RNF43: variants seen among roughly 807,000 people sequenced by gnomAD.
RNF43 encodes ring finger protein 43, also known as E3 ubiquitin-protein ligase RNF43.
RNF43 carries 37 observed loss-of-function variants against 78.4 expected under a neutral mutation model. The ratio of observed to expected loss-of-function variants is 0.47; its 90% CI spans 0.36 to 0.62. The LOEUF (loss-of-function observed/expected upper bound fraction) is 0.62, where lower values mean the gene tolerates loss of function less well. RNF43 is among the 20% of genes least tolerant of loss of function. The pLI, the probability that RNF43 is intolerant of heterozygous loss-of-function variation, is 0.00. For missense variants in RNF43, 774 were observed against 1,007.9 expected, an observed-to-expected ratio of 0.77 and a Z score of 3.14; for synonymous variants, 347 against 395.0, an observed-to-expected ratio of 0.88 and a Z score of 1.44.
chr17:58,405,700 CAGAAAGAAAGAAAGAAAGAAAGAAAGAA>C (rs199880674), intron 2 of RNF43, among the ~76,000 whole-genome samples: 14 of 110,262 alleles, frequency 1.3e-4, no homozygotes, highest in African/African-American at 3.1e-4. Flanking sequence ...TCTCTAATGA[CAGAAAGAAAGAAAGAAAGAAAGAAAGAA>C]AGAAAGAAAG....
chr17:58,388,821 C>T (rs1016979910), intron 2 of RNF43, among the ~76,000 whole-genome samples: 1 of 152,170 alleles, frequency 6.6e-6, no homozygotes, highest in African/African-American at 2.4e-5. Flanking sequence ...TCTGAGCTTA[C>T]TTGAGAAGAA....
chr17:58,393,659 G>A (rs1973607257), intron 2 of RNF43, among the ~76,000 whole-genome samples: 1 of 152,082 alleles, frequency 6.6e-6, no homozygotes, highest in Non-Finnish European at 1.5e-5. Context: ...TTACAATGTA[G>A]GTCAAGAAAT....
Position 58,370,903 on chromosome 17 carries a change from G to A in RNF43, c.375+8C>T, listed in dbSNP as rs2143513446. ...TCCGGGTGTGTGTAGGGCGAAGTGTGAGTCTACCTTGCTAGCCAGTGACAG... is the reference window on the plus strand; with the variant it reads ...TCCGGGTGTGTGTAGGGCGAAGTGTAAGTCTACCTTGCTAGCCAGTGACAG... On this transcript the variant is annotated splice_region_variant and intron_variant, in intron 3 of 9. Coordinates refer to ENST00000407977, the MANE Select transcript of RNF43 (RefSeq NM_017763.6). The A allele has an allele frequency of 6.3e-7, 1 of 1,589,254 alleles. No individual in the cohort carries two copies. Among genetic ancestry groups the A allele is most frequent in the Non-Finnish European group, 8.6e-7 (1 of 1,166,674 alleles).
intron 2 of RNF43, among the ~76,000 whole-genome samples, chr17:58,391,038 G>C (rs1314289534): frequency 6.6e-6 from 1 of 152,202 alleles, no homozygotes; most frequent in African/African-American, 2.4e-5. Context: ...CTTGAGGGCA[G>C]GAATGTTTGT....
chr17:58,382,429 C>T (rs1973339769), intron 2 of RNF43, among the ~76,000 whole-genome samples: 1 of 152,176 alleles, frequency 6.6e-6, no homozygotes, highest in African/African-American at 2.4e-5. Context: ...TTTCTGCTTT[C>T]TCTTCAGAAA....
At chr17:58,363,661 G>C (rs1972890616) in intron 3 of RNF43, 61 bp from the exon 4 acceptor site, 2 of 1,442,204 alleles carry the variant, frequency 1.4e-6, no homozygotes, top group Admixed American at 3.8e-5. Flanking sequence ...CCACCCACAG[G>C]CTAGCCTCAC....
intron 2 of RNF43, among the ~76,000 whole-genome samples, chr17:58,413,260 T>C (rs1974060027): frequency 6.6e-6 from 1 of 152,126 alleles, no homozygotes; most frequent in Non-Finnish European, 1.5e-5. Context: ...AAGAAAACCA[T>C]ATATATAATT....
intron 2 of RNF43, among the ~76,000 whole-genome samples, chr17:58,409,971 T>A (rs529317573): frequency 6.6e-6 from 1 of 152,036 alleles, no homozygotes; most frequent in African/African-American, 2.4e-5. Context: ...CATACACACT[T>A]TACTATAATA....
At chr17:58,414,785 A>G (rs933868379) in intron 2 of RNF43, among the ~76,000 whole-genome samples, 2 of 152,208 alleles carry the variant, frequency 1.3e-5, no homozygotes, top group Non-Finnish European at 2.9e-5. Context: ...TTTGTAATCC[A>G]GTCCTCTCCA....
intron 6 of RNF43, among the ~76,000 whole-genome samples, chr17:58,361,182 T>A (rs902594786): frequency 2.0e-5 from 3 of 152,218 alleles, no homozygotes; most frequent in Non-Finnish European, 4.4e-5. Flanking sequence ...GAGAGAAACT[T>A]TTTATCCAAC....
chr17:58,416,474 T>C (rs192874650), intron 1 of RNF43: 5 of 152,382 alleles, frequency 3.3e-5, no homozygotes, highest in Admixed American at 2.6e-4. Context: ...ATCTCCATTT[T>C]CTTTTCTCTC....
chr17:58,412,827 T>G (rs928616212), intron 2 of RNF43, among the ~76,000 whole-genome samples: 2 of 152,144 alleles, frequency 1.3e-5, no homozygotes, highest in Admixed American at 6.5e-5. Flanking sequence ...ACATGGTTTT[T>G]TTTTTTTTAA....
chr17:58,380,071 A>G (rs1429273184), intron 2 of RNF43, among the ~76,000 whole-genome samples: 2 of 152,222 alleles, frequency 1.3e-5, no homozygotes, highest in Non-Finnish European at 2.9e-5. Context: ...AAGATAACCC[A>G]GTCATGTGTT....
In RNF43 at chr17:58,354,847, C is replaced by T. The variant is rs1972651483; in HGVS notation, c.*96G>A. ...AGTACGGCAAAAAGAATGGTGTTTGCTGTGGTCCTTTCCTTTCCCAGGAGC... is the reference window on the plus strand; with the variant it reads ...AGTACGGCAAAAAGAATGGTGTTTGTTGTGGTCCTTTCCTTTCCCAGGAGC... On this transcript the variant is annotated 3_prime_UTR_variant, in exon 10 of 10. Transcript: ENST00000407977. 9.1e-7 allele frequency: 1 copy of T among 1,093,054 alleles called. No homozygotes were observed. The highest frequency in any genetic ancestry group is 1.5e-5 in the African/African-American group (1 of 65,026). The allele number at this position is 1,093,054 out of a possible 1,614,324, so 67.7% of individuals were successfully genotyped here.
intron 2 of RNF43, among the ~76,000 whole-genome samples, chr17:58,397,073 G>A (rs925032043): frequency 6.6e-6 from 1 of 151,188 alleles, no homozygotes; most frequent in Non-Finnish European, 1.5e-5. Flanking sequence ...GTGTGTGTAG[G>A]AATACAGAAA....
At chr17:58,367,985 C>G (rs1598138115) in intron 3 of RNF43, among the ~76,000 whole-genome samples, 1 of 152,154 alleles carries the variant, frequency 6.6e-6, no homozygotes, top group South Asian at 2.1e-4. Flanking sequence ...CATTATTATT[C>G]CCCTTTTACA....
rs142097313 is a variant in RNF43 at position 58,357,806 on chromosome 17, C to A, written c.1970G>T (p.Arg657Leu). ...LSARHPQRKRRGGPSEPTPGS... is the reference protein window; with the variant it reads ...LSARHPQRKRLGGPSEPTPGS... ...AGGGGTGGGCTCGGAGGGACCCCCC[C>A]GCCTTTTCCTCTGTGGGTGTCGGGC... Residue 657 changes from arginine to leucine, a missense_variant, in exon 9 of 10, where the codon CGG becomes CTG. Physicochemically the swap from Arg to Leu is moderately radical, Grantham distance 102 (BLOSUM62 -2). Coordinates refer to ENST00000407977, the MANE Select transcript of RNF43 (RefSeq NM_017763.6). This position sits in a 1 kb window ranked among gnomAD's most constrained non-coding sequence, Gnocchi z 4.5. The A allele has an allele frequency of 2.5e-6, 4 of 1,614,026 alleles. No individual in the cohort carries two copies. The highest frequency in any genetic ancestry group is 2.2e-5 in the South Asian group (2 of 91,086).
chr17:58,409,900 CAAAA>C (rs1357262571), intron 2 of RNF43, among the ~76,000 whole-genome samples: 1 of 151,794 alleles, frequency 6.6e-6, no homozygotes, highest in Non-Finnish European at 1.5e-5. Context: ...TACAAAGAAA[CAAAA>C]AAAGTAAAGT....
At chr17:58,406,852 C>G (rs1598167307) in intron 2 of RNF43, among the ~76,000 whole-genome samples, 1 of 150,842 alleles carries the variant, frequency 6.6e-6, no homozygotes, top group South Asian at 2.1e-4. Flanking sequence ...CAGTGTTTCT[C>G]AAATGTCATA....
Sources: allele counts gnomAD v4.1 joint callset (sites outside exome capture counted in the v4.1 genomes callset), GRCh38; gene constraint gnomAD v4.1.1; non-coding constraint Gnocchi (gnomAD v3.1); transcripts MANE v1.5; gene names NCBI Gene and HGNC (gene_info 2026-07-23, HGNC 2026-07-21).